The following CSMD1 variants were observed in gnomAD, a reference collection of about 807,000 sequenced individuals.
CSMD1 encodes the protein CUB and sushi domain-containing protein 1.
CSMD1 carries 213 observed loss-of-function variants against 417.5 expected under a neutral mutation model. The observed-to-expected ratio is 0.51, with a 90% CI of 0.46 to 0.57. The LOEUF (loss-of-function observed/expected upper bound fraction) is 0.57. Among genes scored for constraint, CSMD1 ranks in the 20% least tolerant of loss-of-function variants. CSMD1 has a pLI of 0.00. For missense variants in CSMD1, 6,923 were observed against 4,529.7 expected (o/e 1.53, Z -15.17); for synonymous variants, 2,862 against 1,736.8 (o/e 1.65, Z -16.11).
intron 6 of CSMD1, among the ~76,000 whole-genome samples, chr8:3,721,884 G>C (rs879635779): frequency 2.0e-5 from 3 of 152,102 alleles, no homozygotes; most frequent in African/African-American, 7.2e-5. Context: ...TGAAGTGCCC[G>C]TTAAGTAGCT....
intron 3 of CSMD1, among the ~76,000 whole-genome samples, chr8:4,376,672 G>T (rs145303229): frequency 4.0e-4 from 61 of 152,204 alleles, no homozygotes; most frequent in African/African-American, 1.4e-3. Context: ...ATATCACACC[G>T]TTGTTAACGC....
chr8:3,286,134 T>G, intron 25 of CSMD1, among the ~76,000 whole-genome samples: 1 of 152,056 alleles, frequency 6.6e-6, no homozygotes, highest in African/African-American at 2.4e-5. Context: ...GCTTCATCCA[T>G]GTCCCTACAA....
intron 2 of CSMD1, among the ~76,000 whole-genome samples, chr8:4,571,048 G>C (rs573812764): frequency 3.3e-5 from 5 of 151,676 alleles, no homozygotes; most frequent in Non-Finnish European, 7.4e-5. Context: ...TTCTTTATTA[G>C]TCTGGCTAGC....
intron 26 of CSMD1, among the ~76,000 whole-genome samples, chr8:3,267,371 T>C (rs1801511522): frequency 6.6e-6 from 1 of 152,198 alleles, no homozygotes. Context: ...CATTGGAAGA[T>C]TTGAAATACA....
At chr8:3,974,962 G>A (rs191162989) in intron 5 of CSMD1, among the ~76,000 whole-genome samples, 1 of 152,060 alleles carries the variant, frequency 6.6e-6, no homozygotes, top group Non-Finnish European at 1.5e-5. Context: ...CACCTGTTAA[G>A]AATCCAGGAT....
intron 1 of CSMD1, among the ~76,000 whole-genome samples, chr8:4,944,863 A>G (rs1317027064): frequency 4.6e-5 from 7 of 152,182 alleles, no homozygotes; most frequent in Non-Finnish European, 7.3e-5. Flanking sequence ...CTGAAAATTA[A>G]AAATAAAACT....
At chr8:3,714,746 A>C (rs936551166) in intron 6 of CSMD1, among the ~76,000 whole-genome samples, 1 of 151,920 alleles carries the variant, frequency 6.6e-6, no homozygotes, top group Non-Finnish European at 1.5e-5. Flanking sequence ...TTTCTCAAAA[A>C]AACAACAACA....
At chr8:2,952,301 T>C (rs977652960) in intron 65 of CSMD1, among the ~76,000 whole-genome samples, 1 of 152,180 alleles carries the variant, frequency 6.6e-6, no homozygotes, top group Non-Finnish European at 1.5e-5. Context: ...AAAAAGTCCA[T>C]TTATAGTCGC....
intron 12 of CSMD1, among the ~76,000 whole-genome samples, chr8:3,440,874 C>T (rs1814936201): frequency 6.6e-6 from 1 of 152,190 alleles, no homozygotes; most frequent in African/African-American, 2.4e-5. Flanking sequence ...ACAGACGTTA[C>T]AGCAGGCTTG....
At chr8:4,790,406 C>A (rs112128367) in intron 1 of CSMD1, among the ~76,000 whole-genome samples, 1 of 152,034 alleles carries the variant, frequency 6.6e-6, no homozygotes, top group Non-Finnish European at 1.5e-5. Context: ...CCATACTTCC[C>A]AGAGCAATTT....
At chr8:3,009,580 C>T (rs1042710515) in intron 52 of CSMD1, among the ~76,000 whole-genome samples, 2 of 152,186 alleles carry the variant, frequency 1.3e-5, no homozygotes, top group East Asian at 1.9e-4. Context: ...TACACTTCAA[C>T]GGACATATTG....
rs377009428 is a variant in CSMD1 at position 3,786,354 on chromosome 8, T to A, written c.819-32312A>T. Among the ~76,000 whole-genome samples the A allele has an allele frequency of 1.6e-4, 25 of 152,144 alleles. No homozygotes were observed. In the East Asian group the frequency reaches 2.5e-3, roughly 15 times the overall value. On this transcript the variant is annotated intron_variant, in intron 5 of 69. Coordinates refer to ENST00000635120, the MANE Select transcript of CSMD1 (RefSeq NM_033225.6). ...TGGAGGGTCACTGAGACCACGGGCT[T>A]GGGTGACCTCATTTAGGGAGATACT...
chr8:3,868,692 C>A (rs115089066), intron 5 of CSMD1, among the ~76,000 whole-genome samples: 1 of 152,134 alleles, frequency 6.6e-6, no homozygotes, highest in Non-Finnish European at 1.5e-5. Context: ...ATGAATGCAG[C>A]GTTATCCTTC....
intron 3 of CSMD1, among the ~76,000 whole-genome samples, chr8:4,417,364 A>G (rs1797001959): frequency 6.6e-6 from 1 of 151,988 alleles, no homozygotes; most frequent in Non-Finnish European, 1.5e-5. Context: ...ACAACAGTTG[A>G]GTTTGGTGTC....
At chr8:3,781,298 C>T (rs752163705) in intron 5 of CSMD1, among the ~76,000 whole-genome samples, 1 of 152,030 alleles carries the variant, frequency 6.6e-6, no homozygotes, top group Non-Finnish European at 1.5e-5. Flanking sequence ...TATGAATATA[C>T]AATATTCATA....
chr8:3,482,260 C>T (rs1430183713), intron 11 of CSMD1, among the ~76,000 whole-genome samples: 1 of 151,756 alleles, frequency 6.6e-6, no homozygotes, highest in African/African-American at 2.4e-5. Flanking sequence ...AAAAAATTAC[C>T]CAAATAATGA....
At chr8:3,744,795 G>A (rs1033161112) in intron 6 of CSMD1, among the ~76,000 whole-genome samples, 1 of 145,676 alleles carries the variant, frequency 6.9e-6, no homozygotes, top group South Asian at 2.4e-4. Flanking sequence ...TAGAATGAAT[G>A]ACATTCTTAT....
chr8:3,531,901 C>A (rs1447926997), intron 10 of CSMD1, among the ~76,000 whole-genome samples: 1 of 152,128 alleles, frequency 6.6e-6, no homozygotes. Context: ...TCAGCACATG[C>A]ACAGTAAGAA....
chr8:4,168,104 G>C (rs1269626506), intron 3 of CSMD1, among the ~76,000 whole-genome samples: 1 of 151,452 alleles, frequency 6.6e-6, no homozygotes, highest in Non-Finnish European at 1.5e-5. Flanking sequence ...TCTCCAGCTT[G>C]GGAAAGAGAG....
Sources: gnomAD v4.1 joint callset for allele counts (sites outside exome capture counted in the v4.1 genomes callset) on GRCh38, gnomAD v4.1.1 for gene constraint, MANE v1.5 for transcripts, NCBI Gene and HGNC (gene_info 2026-07-23, HGNC 2026-07-21) for gene names.